The following ZBED6 variants were observed in gnomAD, a reference collection of about 807,000 sequenced individuals.
ZBED6 encodes zinc finger BED-type containing 6.
A neutral mutation model predicts 58.4 loss-of-function variants in ZBED6; 40 were observed. That is an observed-to-expected ratio of 0.68 (90% CI 0.53 to 0.89). The LOEUF (loss-of-function observed/expected upper bound fraction) is 0.89. ZBED6 is among the 40% of genes least tolerant of loss of function. ZBED6 has a pLI of 0.00. For synonymous variants in ZBED6, 439 were observed against 350.6 expected (o/e 1.25, Z -2.82); for missense variants, 1,057 against 1,003.9 (o/e 1.05, Z -0.71).
chr1:203,838,972 A>AAAG (rs1156614318), intron 10 of ZBED6, among the ~76,000 whole-genome samples: 2 of 151,236 alleles, frequency 1.3e-5, no homozygotes, highest in African/African-American at 2.4e-5. Flanking sequence ...AAAAAAAAAA[A>AAAG]AAAGAAAGAA....
chr1:203,795,845 G>C (rs1467314574), exon 1 of ZBED6: 1 of 151,978 alleles, frequency 6.6e-6, no homozygotes, highest in Non-Finnish European at 1.5e-5. Context: ...CCGGGGAGGT[G>C]GGGGAGAGGG....
intron 10 of ZBED6, 38 bp downstream of exon 10, chr1:203,838,102 T>C: frequency 6.3e-7 from 1 of 1,580,854 alleles, no homozygotes; most frequent in Non-Finnish European, 8.7e-7. Flanking sequence ...GTGTATGTAA[T>C]TATGACACTT....
chr1:203,844,813 C>G (rs1375954310), intron 11 of ZBED6, among the ~76,000 whole-genome samples: 1 of 151,974 alleles, frequency 6.6e-6, no homozygotes, highest in Non-Finnish European at 1.5e-5. Flanking sequence ...TTCAGATTTG[C>G]TGTTTACTTT....
intron 1 of ZBED6, 79 bp from the exon 2 acceptor site, chr1:203,816,847 T>A: frequency 2.2e-6 from 1 of 457,250 alleles, no homozygotes. Context: ...ACTCTAGCAA[T>A]ACGATCTCAT....
intron 9 of ZBED6, among the ~76,000 whole-genome samples, chr1:203,836,469 G>A (rs1684369100): frequency 6.6e-6 from 1 of 152,194 alleles, no homozygotes; most frequent in African/African-American, 2.4e-5. Context: ...AAACTAGAAG[G>A]CTGGGCGCGG....
rs545696135 is a variant in ZBED6 at position 203,816,747 on chromosome 1, A to G, written c.*2555-179A>G. Among the ~76,000 whole-genome samples the G allele has an allele frequency of 3.3e-5, 5 of 152,324 alleles. No individual in the cohort carries two copies. The East Asian group carries it at 9.6e-4, about 29-fold the overall frequency. On this transcript the variant is annotated intron_variant, in intron 1 of 16. Transcript: ENST00000550078. ...AAGAAGGGCATGGCCTTTCTAGTCA[A>G]AATTTTACATTGTAGATGGGAATGT...
At chr1:203,808,834 A>G (rs543572185) in intron 1 of ZBED6, among the ~76,000 whole-genome samples, 10 of 151,572 alleles carry the variant, frequency 6.6e-5, no homozygotes, top group Non-Finnish European at 8.8e-5. Flanking sequence ...ATTATTTTAT[A>G]TATTTATTTT....
intron 16 of ZBED6, 105 bp downstream of exon 16, chr1:203,851,229 C>G (rs1356549979): frequency 4.0e-6 from 4 of 1,003,038 alleles, no homozygotes; most frequent in Admixed American, 5.0e-5. Flanking sequence ...TCAAATAAAT[C>G]TGTTGCACTT....
chr1:203,802,068 C>T (rs906354579), exon 1 of ZBED6: 1 of 152,578 alleles, frequency 6.6e-6, no homozygotes, highest in Non-Finnish European at 1.5e-5. Context: ...ATAAAGCTTT[C>T]TGTGTTTTGA....
chr1:203,817,268 A>C, intron 2 of ZBED6, 144 bp downstream of exon 2: 1 of 600,538 alleles, frequency 1.7e-6, no homozygotes. Flanking sequence ...TTTAAAGGAT[A>C]ATGTATTTAG....
exon 1 of ZBED6, chr1:203,798,866 A>C: frequency 2.0e-6 from 3 of 1,536,160 alleles, no homozygotes; most frequent in Non-Finnish European, 2.6e-6. Flanking sequence ...GGTTGCCATC[A>C]GAGACTTACT....
In ZBED6 at chr1:203,820,775, C is replaced by T. The variant is rs947055188; in HGVS notation, c.*2873+2086C>T. Reference sequence around the variant, plus strand: ...GATTACAGGTGTGAGCCACGCCCGGCGAATGGTATTTTTGTTGCATATCAT... The same window carrying T: ...GATTACAGGTGTGAGCCACGCCCGGTGAATGGTATTTTTGTTGCATATCAT... On this transcript the variant is annotated intron_variant, in intron 3 of 16. Coordinates refer to ENST00000550078, the Ensembl canonical transcript of ZBED6. 2.6e-5 allele frequency among the ~76,000 whole-genome samples: 4 copies of T among 151,928 alleles called. No homozygotes were observed. The East Asian group carries it at 7.7e-4, about 29-fold the overall frequency.
intron 9 of ZBED6, among the ~76,000 whole-genome samples, chr1:203,834,683 T>C (rs1194230283): frequency 1.3e-5 from 2 of 152,106 alleles, no homozygotes; most frequent in Non-Finnish European, 2.9e-5. Context: ...AGAGTCTTGC[T>C]CTGTCGCCCA....
chr1:203,843,527 C>T (rs924474336), intron 11 of ZBED6, among the ~76,000 whole-genome samples: 1 of 151,992 alleles, frequency 6.6e-6, no homozygotes, highest in Non-Finnish European at 1.5e-5. Context: ...AATTTTTTTC[C>T]TGTAAAGGGT....
chr1:203,812,393 G>A (rs936077360), intron 1 of ZBED6, among the ~76,000 whole-genome samples: 1 of 152,030 alleles, frequency 6.6e-6, no homozygotes, highest in African/African-American at 2.4e-5. Flanking sequence ...TCCTGTTTCT[G>A]CATTAGTTTG....
rs372239660 is a variant in ZBED6 at position 203,838,070 on chromosome 1, T to A, written c.*3672+6T>A. ...TGACAAAACACCAAAGAAAGGTACC[T>A]GTGTTCTTACATACTTTGTGTGTGT... is the stretch of plus-strand genomic sequence containing the variant. On this transcript the variant is annotated splice_donor_region_variant and intron_variant, in intron 10 of 16. Coordinates refer to ENST00000550078, the Ensembl canonical transcript of ZBED6. 1.2e-6 allele frequency: 2 copies of A among 1,607,788 alleles called. No homozygotes were observed. The highest frequency in any genetic ancestry group is 1.7e-6 in the Non-Finnish European group (2 of 1,174,392).
chr1:203,836,516 G>GA (rs1233807483), intron 9 of ZBED6, among the ~76,000 whole-genome samples: 14 of 152,352 alleles, frequency 9.2e-5, no homozygotes, highest in African/African-American at 2.6e-4. Flanking sequence ...TTGAGAGGCT[G>GA]AGGCAGGTGG....
chr1:203,850,664 G>T, exon 15 of ZBED6: 4 of 1,613,996 alleles, frequency 2.5e-6, no homozygotes, highest in Non-Finnish European at 3.4e-6. Flanking sequence ...GGAACCCCCA[G>T]CCAAAAAGGC....
intron 3 of ZBED6, among the ~76,000 whole-genome samples, chr1:203,822,765 A>G (rs562987920): frequency 1.3e-5 from 2 of 152,246 alleles, no homozygotes; most frequent in Admixed American, 6.5e-5. Context: ...CCAACACCCT[A>G]TGCCAGTTCC....
Sources: gnomAD v4.1 joint callset for allele counts (sites outside exome capture counted in the v4.1 genomes callset) on GRCh38, gnomAD v4.1.1 for gene constraint, MANE v1.5 for transcripts, NCBI Gene and HGNC (gene_info 2026-07-23, HGNC 2026-07-21) for gene names.